Variants in PBRM1 observed in about 807,000 individuals in gnomAD.
PBRM1 encodes polybromo 1.
Under a neutral mutation model 194.5 loss-of-function variants are expected in PBRM1, and 27 were observed. That is an observed-to-expected ratio of 0.14 (90% CI 0.10 to 0.19). The LOEUF (loss-of-function observed/expected upper bound fraction) is 0.19, where lower values mean the gene tolerates loss of function less well. PBRM1 is among the 10% of genes least tolerant of loss of function. The pLI is 1.00. For synonymous variants in PBRM1, 655 were observed against 693.2 expected (o/e 0.94, Z 0.87); for missense variants, 1,466 against 2,077.2 (o/e 0.71, Z 5.72).
chr3:52,576,744 T>A (rs2153662398), intron 21 of PBRM1, 46 bp from the exon 24 acceptor site: 2 of 1,445,790 alleles, frequency 1.4e-6, no homozygotes, highest in Non-Finnish European at 1.9e-6. Context: ...GTTTCCTTCT[T>A]GAAGGATTAA....
At chr3:52,630,620 C>T (rs929813033) in intron 11 of PBRM1, among the ~76,000 whole-genome samples, 3 of 152,194 alleles carry the variant, frequency 2.0e-5, no homozygotes, top group Non-Finnish European at 4.4e-5. Context: ...CAGTAAGGCT[C>T]CTGTCAGGCA....
At chr3:52,600,666 A>G (rs1327453546) in intron 17 of PBRM1, among the ~76,000 whole-genome samples, 2 of 152,164 alleles carry the variant, frequency 1.3e-5, no homozygotes, top group Non-Finnish European at 2.9e-5. Context: ...TTTGAGACGG[A>G]GTCTTGCTCT....
At chr3:52,630,557 GC>G (rs1343454401) in intron 11 of PBRM1, among the ~76,000 whole-genome samples, 1 of 152,162 alleles carries the variant, frequency 6.6e-6, no homozygotes, top group Non-Finnish European at 1.5e-5. Context: ...GAATAGCACT[GC>G]CCCTAGACCT....
At position 52,662,027 on chromosome 3, in the gene PBRM1, T is replaced by G. The variant is rs1382255579; in HGVS notation, c.528+106A>C. ...TTATCCTCCCAGTTACCAATACAATTGCACAGGAATTCTAGTTGCCCACAA... is the reference window on the plus strand; with the variant it reads ...TTATCCTCCCAGTTACCAATACAATGGCACAGGAATTCTAGTTGCCCACAA... On this transcript the variant is annotated intron_variant, in intron 4 of 29. Transcript: ENST00000296302. 3 of 1,121,592 alleles carry G rather than the reference T, an allele frequency of 2.7e-6. No individual in the cohort carries two copies. The Admixed American group carries it at 7.0e-5, about 26-fold the overall frequency. The allele number at this position is 1,121,592 out of a possible 1,614,324, so 69.5% of individuals were successfully genotyped here.
Position 52,554,891 on chromosome 3 carries a change from CA to C in PBRM1, c.4454-13del. The C allele has an allele frequency of 1.2e-6, 2 of 1,604,446 alleles. No homozygotes were observed. Among genetic ancestry groups the C allele is most frequent in the Non-Finnish European group, 8.5e-7 (1 of 1,176,680 alleles). On this transcript the variant is annotated splice_polypyrimidine_tract_variant and intron_variant, in intron 26 of 29. Transcript: ENST00000296302. The stretch of plus-strand genomic sequence containing the variant: ...GCCACCCATCATGCCTTGAAGGACA[CA>C]ACAAATTTCAGACATGCATCATTAA...
chr3:52,582,411 C>CTT (rs374555187), intron 20 of PBRM1, among the ~76,000 whole-genome samples: 145 of 128,804 alleles, frequency 1.1e-3, no homozygotes, highest in East Asian at 1.2e-3. Context: ...ATTGATAATT[C>CTT]TTTTTTTTTT....
At chr3:52,677,446 CTT>C (rs1283564343) in intron 2 of PBRM1, among the ~76,000 whole-genome samples, 8 of 127,214 alleles carry the variant, frequency 6.3e-5, no homozygotes, top group East Asian at 4.6e-4. Context: ...GAGTTTCACT[CTT>C]GTCACCAAGG....
chr3:52,646,630 A>G (rs1437154410), intron 7 of PBRM1, among the ~76,000 whole-genome samples: 2 of 46,008 alleles, frequency 4.3e-5, no homozygotes, highest in Admixed American at 2.8e-4. Flanking sequence ...AAAGTTGCCA[A>G]GACAATTCAA....
intron 22 of PBRM1, among the ~76,000 whole-genome samples, chr3:52,576,028 T>C (rs2153652985): frequency 6.6e-6 from 1 of 151,932 alleles, no homozygotes; most frequent in Non-Finnish European, 1.5e-5. Context: ...TTTGAAGTTA[T>C]CCAGTCTGAG....
At chr3:52,546,959 T>C (rs2079759380), downstream of PBRM1, 1 of 233,078 alleles carries the variant, frequency 4.3e-6, no homozygotes, top group Non-Finnish European at 8.5e-6. Context: ...CATCTGATAA[T>C]AAGGAAATAA....
At chr3:52,653,312 G>A (rs145175380) in intron 5 of PBRM1, among the ~76,000 whole-genome samples, 29 of 151,950 alleles carry the variant, frequency 1.9e-4, no homozygotes, top group African/African-American at 6.5e-4. Context: ...AAGCACGGCT[G>A]GGCATGGTGG....
intron 27 of PBRM1, among the ~76,000 whole-genome samples, chr3:52,553,008 A>T (rs992785092): frequency 2.6e-5 from 4 of 152,166 alleles, no homozygotes; most frequent in Non-Finnish European, 5.9e-5. Flanking sequence ...GTGTGGCTGG[A>T]GGCTCCAGGC....
chr3:52,656,609 G>C (rs1222589686), intron 5 of PBRM1, among the ~76,000 whole-genome samples: 1 of 152,160 alleles, frequency 6.6e-6, no homozygotes, highest in Non-Finnish European at 1.5e-5. Context: ...AGGTTGCAGT[G>C]AGCCAAGATC....
chr3:52,549,500 AAAAACAAAAC>A (rs539563533), intron 29 of PBRM1, among the ~76,000 whole-genome samples: 2 of 152,288 alleles, frequency 1.3e-5, no homozygotes, highest in Middle Eastern at 3.4e-3. Flanking sequence ...CAAATGCCTG[AAAAACAAAAC>A]AAAACAAAAC....
intron 13 of PBRM1, among the ~76,000 whole-genome samples, chr3:52,619,694 C>T (rs1004088943): frequency 3.3e-5 from 5 of 152,146 alleles, no homozygotes; most frequent in Admixed American, 2.6e-4. Flanking sequence ...TTGCACTACT[C>T]CTGGGTCATG....
intron 13 of PBRM1, among the ~76,000 whole-genome samples, chr3:52,617,950 A>C (rs4687638): frequency 0.34 from 51,455 of 152,050 alleles, 9,713 homozygotes; most frequent in Admixed American, 0.46. Flanking sequence ...TCCAAGTACA[A>C]AAACAAAACA....
exon 1 of PBRM1, chr3:52,685,834 C>T (rs574388883): frequency 4.0e-5 from 19 of 473,058 alleles, no homozygotes; most frequent in East Asian, 3.2e-4. Flanking sequence ...TGCTATTGCT[C>T]CTCCGGCCGC....
intron 17 of PBRM1, among the ~76,000 whole-genome samples, chr3:52,591,390 T>G (rs1296929311): frequency 6.6e-6 from 1 of 152,182 alleles, no homozygotes; most frequent in Non-Finnish European, 1.5e-5. Flanking sequence ...GTTGGGTGGC[T>G]TTGTAATAGA....
At chr3:52,667,086 T>TTTTTTTTATAAAATCA (rs780337776) in intron 3 of PBRM1, among the ~76,000 whole-genome samples, 86 of 152,236 alleles carry the variant, frequency 5.6e-4, no homozygotes, top group Admixed American at 1.9e-3. Context: ...AAAAAATTGA[T>TTTTTTTTATAAAATCA]TCCTACCTTA....
Sources: gnomAD v4.1 joint callset for allele counts (sites outside exome capture counted in the v4.1 genomes callset) on GRCh38, gnomAD v4.1.1 for gene constraint, MANE v1.5 for transcripts, NCBI Gene and HGNC (gene_info 2026-07-23, HGNC 2026-07-21) for gene names.